CNTN4: variants seen among roughly 807,000 people sequenced by gnomAD.
The protein encoded by CNTN4 is contactin-4.
Under a neutral mutation model 122.5 loss-of-function variants are expected in CNTN4, and 77 were observed. The ratio of observed to expected loss-of-function variants is 0.63; its 90% CI spans 0.52 to 0.76. The LOEUF is 0.76. CNTN4 is among the 30% of genes least tolerant of loss of function. The probability of loss-of-function intolerance (pLI) is 0.00; values close to 1 mark genes in which losing one functional copy is unlikely to be tolerated. For missense variants in CNTN4, 1,256 were observed against 1,259.1 expected (o/e 1.00, Z 0.04); for synonymous variants, 512 against 447.0 (o/e 1.15, Z -1.83).
rs527555031 is a variant in CNTN4, at chr3:2,467,045, A to T, written c.-88-104371A>T. Among the ~76,000 whole-genome samples, 4 of 142,344 alleles carry T rather than the reference A, an allele frequency of 2.8e-5. No homozygotes were observed. In the South Asian group the frequency reaches 6.5e-4, roughly 23 times the overall value. The allele number at this position is 142,344 out of a possible 152,430, so 93.4% of individuals were successfully genotyped here. A position where few individuals can be genotyped will look rare whatever the true frequency, so the allele number is the denominator to read the frequency against. On this transcript the variant is annotated intron_variant, in intron 3 of 24. Coordinates refer to ENST00000418658, the MANE Select transcript of CNTN4 (RefSeq NM_175607.3). The stretch of plus-strand genomic sequence containing the variant: ...CTAATTTTAGTATTCACACATATGG[A>T]GTAGATGCCAGTCTTGCCTTATTTA...
chr3:2,456,784 AGTT>A lies in CNTN4; in HGVS notation c.-88-114628_-88-114626del, dbSNP rs547769733. Among the ~76,000 whole-genome samples the A allele has an allele frequency of 2.7e-3, 410 of 152,172 alleles. 1 individual carries two copies. The highest frequency in any genetic ancestry group is 9.3e-3 in the African/African-American group (387 of 41,540). On this transcript the variant is annotated intron_variant, in intron 3 of 24. Transcript: ENST00000418658. ...CCATTCGTCTATCTATGGACGCTTG[AGTT>A]GTTTCCACCTTTTGGCTATTGTGAA...
chr3:2,100,038 G>A lies in CNTN4; in HGVS notation c.-226-520G>A, dbSNP rs149755211. ...CTTCGCGCGTCGGGAAGATCAGGCG[G>A]TTGCTTGCTGGCCAGGGTCTGCAGA... On this transcript the variant is annotated intron_variant, in intron 1 of 24. Coordinates refer to ENST00000418658, the MANE Select transcript of CNTN4 (RefSeq NM_175607.3). 7.9e-3 allele frequency among the ~76,000 whole-genome samples: 1,210 copies of A among 152,350 alleles called. 12 individuals are homozygous for A. The highest frequency in any genetic ancestry group is 0.031 in the Middle Eastern group (9 of 294).
At chr3:2,707,455 GATAGCTGC>G (rs1282042907) in intron 4 of CNTN4, among the ~76,000 whole-genome samples, 6 of 152,152 alleles carry the variant, frequency 3.9e-5, no homozygotes, top group African/African-American at 1.4e-4. Flanking sequence ...GGGTAGTACA[GATAGCTGC>G]ATAAGAATTC....
At position 2,610,815 on chromosome 3, in the gene CNTN4, C is replaced by T. The variant is rs549472938; in HGVS notation, c.55+39257C>T. ...TTTCAGAGTGTATTGTCTGAGAATA[C>T]GGTGGCGTTTTCCATTGCTAAAAAG... On this transcript the variant is annotated intron_variant, in intron 4 of 24. Coordinates refer to ENST00000418658, the MANE Select transcript of CNTN4 (RefSeq NM_175607.3). Among the ~76,000 whole-genome samples the T allele has an allele frequency of 6.0e-4, 92 of 152,116 alleles. 1 individual carries two copies. Among genetic ancestry groups the T allele is most frequent in the African/African-American group, 2.0e-3 (83 of 41,518 alleles).
At chr3:2,315,248 A>C (rs2043055191) in intron 2 of CNTN4, among the ~76,000 whole-genome samples, 2 of 150,470 alleles carry the variant, frequency 1.3e-5, no homozygotes, top group African/African-American at 2.4e-5. Context: ...CTTCTCTTGA[A>C]ATGAGAATTT....
intron 13 of CNTN4, among the ~76,000 whole-genome samples, chr3:2,931,375 G>C (rs995471606): frequency 6.6e-6 from 1 of 152,088 alleles, no homozygotes; most frequent in African/African-American, 2.4e-5. Flanking sequence ...ACCACTTGCC[G>C]CAGTAGTAAA....
At chr3:3,020,436 A>G (rs1477683024) in intron 14 of CNTN4, among the ~76,000 whole-genome samples, 1 of 152,242 alleles carries the variant, frequency 6.6e-6, no homozygotes, top group African/African-American at 2.4e-5. Context: ...GATGAGCTTC[A>G]TGAAAGGATA....
At chr3:2,663,017 G>C (rs1018054994) in intron 4 of CNTN4, among the ~76,000 whole-genome samples, 9 of 151,868 alleles carry the variant, frequency 5.9e-5, no homozygotes, top group Non-Finnish European at 4.4e-5. Context: ...CAGGAGAATC[G>C]CTTGAACCCA....
intron 3 of CNTN4, among the ~76,000 whole-genome samples, chr3:2,527,309 C>G (rs927861048): frequency 3.3e-5 from 5 of 152,196 alleles, no homozygotes; most frequent in Admixed American, 2.0e-4. Context: ...ATTGCTTACA[C>G]TGTCTTCCTT....
intron 6 of CNTN4, among the ~76,000 whole-genome samples, chr3:2,783,662 T>C (rs1559499666): frequency 6.6e-6 from 1 of 152,234 alleles, no homozygotes; most frequent in African/African-American, 2.4e-5. Context: ...TGGTGAAATG[T>C]TTGCAGTGCT....
intron 13 of CNTN4, among the ~76,000 whole-genome samples, chr3:2,932,131 A>T (rs2151428108): frequency 6.6e-6 from 1 of 152,242 alleles, no homozygotes; most frequent in African/African-American, 2.4e-5. Flanking sequence ...TCATCCCAGC[A>T]CTTTGGGACG....
intron 6 of CNTN4, among the ~76,000 whole-genome samples, chr3:2,788,022 T>A (rs1483366265): frequency 6.6e-6 from 1 of 152,084 alleles, no homozygotes; most frequent in Non-Finnish European, 1.5e-5. Flanking sequence ...ACTCCTGACC[T>A]CAGATGATCT....
chr3:2,858,976 C>T (rs1204605152), intron 7 of CNTN4, among the ~76,000 whole-genome samples: 1 of 152,216 alleles, frequency 6.6e-6, no homozygotes, highest in Non-Finnish European at 1.5e-5. Flanking sequence ...TAACTATACT[C>T]ACCATGTTGT....
intron 2 of CNTN4, among the ~76,000 whole-genome samples, chr3:2,264,119 G>C (rs1032591355): frequency 6.6e-6 from 1 of 152,004 alleles, no homozygotes; most frequent in African/African-American, 2.4e-5. Context: ...TCTTTCTTTT[G>C]GATATACACC....
At chr3:2,267,109 G>T (rs1420831808) in intron 2 of CNTN4, among the ~76,000 whole-genome samples, 1 of 152,078 alleles carries the variant, frequency 6.6e-6, no homozygotes, top group African/African-American at 2.4e-5. Flanking sequence ...AACCTTTCCT[G>T]TGTCGGAAAG....
chr3:2,530,444 G>T (rs866360227), intron 3 of CNTN4, among the ~76,000 whole-genome samples: 23 of 151,858 alleles, frequency 1.5e-4, no homozygotes, highest in Middle Eastern at 3.4e-3. Context: ...GGATAGCTGG[G>T]ATTACAGATG....
intron 4 of CNTN4, among the ~76,000 whole-genome samples, chr3:2,671,453 G>C (rs1429139006): frequency 6.6e-6 from 1 of 152,088 alleles, no homozygotes; most frequent in Non-Finnish European, 1.5e-5. Flanking sequence ...GGTCCTTTAA[G>C]GACTTCCCTT....
At chr3:2,808,780 CG>C (rs11315710) in intron 6 of CNTN4, among the ~76,000 whole-genome samples, 18,845 of 152,154 alleles carry the variant, frequency 0.12, 1,209 homozygotes, top group South Asian at 0.17. Context: ...GATGGGGATG[CG>C]GGAAAGTAGG....
intron 3 of CNTN4, among the ~76,000 whole-genome samples, chr3:2,568,455 C>T (rs559465506): frequency 6.6e-6 from 1 of 151,906 alleles, no homozygotes; most frequent in Admixed American, 6.6e-5. Flanking sequence ...CATTCTTGGG[C>T]AGGATCTCAA....
Sources: allele counts gnomAD v4.1 joint callset (sites outside exome capture counted in the v4.1 genomes callset), GRCh38; gene constraint gnomAD v4.1.1; transcripts MANE v1.5; gene names NCBI Gene and HGNC (gene_info 2026-07-23, HGNC 2026-07-21).